Variants in NT5DC1 observed in about 807,000 individuals in gnomAD.
The protein encoded by NT5DC1 is 5'-nucleotidase domain-containing protein 1.
Under a neutral mutation model 59.4 loss-of-function variants are expected in NT5DC1, and 42 were observed. The ratio of observed to expected loss-of-function variants is 0.71; its 90% CI spans 0.55 to 0.92. The LOEUF is 0.92. Among genes scored for constraint, NT5DC1 ranks in the 40% least tolerant of loss-of-function variants. NT5DC1 has a pLI of 0.00. For missense variants in NT5DC1, 501 were observed against 537.1 expected (o/e 0.93, Z 0.66); for synonymous variants, 172 against 188.1 (o/e 0.91, Z 0.70).
intron 1 of NT5DC1, among the ~76,000 whole-genome samples, chr6:116,101,339 CAG>C (rs1411029349): frequency 5.9e-5 from 9 of 152,132 alleles, no homozygotes; most frequent in African/African-American, 2.2e-4. Flanking sequence ...GGGGCGGGGT[CAG>C]GGGGACTAGG....
chr6:116,114,837 C>A (rs1778936276), intron 4 of NT5DC1, among the ~76,000 whole-genome samples: 1 of 152,178 alleles, frequency 6.6e-6, no homozygotes, highest in African/African-American at 2.4e-5. Context: ...GAACAGGAAG[C>A]AGGGCATTCT....
chr6:116,138,078 A>G (rs1187140591), intron 6 of NT5DC1, among the ~76,000 whole-genome samples: 3 of 152,068 alleles, frequency 2.0e-5, no homozygotes, highest in Non-Finnish European at 4.4e-5. Flanking sequence ...ACTCTGCTCA[A>G]AAAAAAAGAA....
rs189307533 is a variant in NT5DC1, at chr6:116,223,262, T to G, written c.802+131T>G. ...AAGAAAAAAGATAATAAACCTATGT[T>G]TGTATTAAATTTTATGCTACCGCTT... On this transcript the variant is annotated intron_variant, in intron 8 of 11. Transcript: ENST00000319550. The G allele has an allele frequency of 7.5e-6, 4 of 533,484 alleles. No individual in the cohort carries two copies. In the Admixed American group the frequency reaches 1.4e-4, roughly 19 times the overall value. 33.0% of individuals were successfully genotyped at this position (533,484 alleles called of 1,614,324 possible).
Position 116,230,734 on chromosome 6 carries a change from C to T in NT5DC1, c.803-6232C>T, listed in dbSNP as rs187275466. On this transcript the variant is annotated intron_variant, in intron 8 of 11. Transcript: ENST00000319550. ...GATACCTTCCTTCTGCAGCTCCAGTCAGAGCTGTTTCCTTCTCTGTATTGT... is the reference window on the plus strand; with the variant it reads ...GATACCTTCCTTCTGCAGCTCCAGTTAGAGCTGTTTCCTTCTCTGTATTGT... Among the ~76,000 whole-genome samples, 337 of 152,290 alleles carry T rather than the reference C, an allele frequency of 2.2e-3. 1 individual carries two copies. The highest frequency in any genetic ancestry group is 3.7e-3 in the Non-Finnish European group (251 of 68,024).
chr6:116,218,124 CT>C (rs1185337752), intron 6 of NT5DC1, among the ~76,000 whole-genome samples: 2 of 152,046 alleles, frequency 1.3e-5, no homozygotes, highest in Non-Finnish European at 2.9e-5. Context: ...ATAATTTTAT[CT>C]GATTAAATTA....
In NT5DC1 at chr6:116,200,732, T is replaced by C. The variant is rs993073860; in HGVS notation, c.530-20322T>C. On this transcript the variant is annotated intron_variant, in intron 6 of 11. Transcript: ENST00000319550. ...TATTTAATGTCCTTATGGATCGTAC[T>C]TCATCTCTTCTCCCACTAGCTTGGA... Among the ~76,000 whole-genome samples the C allele has an allele frequency of 2.0e-5, 3 of 152,104 alleles. No homozygotes were observed. The East Asian group carries it at 5.8e-4, about 30-fold the overall frequency.
chr6:116,150,290 AATT>A (rs1780007134), intron 6 of NT5DC1, among the ~76,000 whole-genome samples: 1 of 151,600 alleles, frequency 6.6e-6, no homozygotes. Flanking sequence ...TTAACTTTTT[AATT>A]ATTATTTTTT....
rs190625574 is a variant in NT5DC1, at chr6:116,178,897, C to T, written c.530-42157C>T. ...TGCTTTAAGCAAAATTTCTTTTACTCGATATGCATTTCCAGCCCTCTAATT... is the reference window on the plus strand; with the variant it reads ...TGCTTTAAGCAAAATTTCTTTTACTTGATATGCATTTCCAGCCCTCTAATT... On this transcript the variant is annotated intron_variant, in intron 6 of 11. Coordinates refer to ENST00000319550, the MANE Select transcript of NT5DC1 (RefSeq NM_152729.3). 1.2e-4 allele frequency among the ~76,000 whole-genome samples: 18 copies of T among 152,236 alleles called. No homozygotes were observed. The East Asian group carries it at 2.3e-3, about 20-fold the overall frequency.
chr6:116,170,068 T>A (rs1292720812), intron 6 of NT5DC1, among the ~76,000 whole-genome samples: 1 of 152,162 alleles, frequency 6.6e-6, no homozygotes, highest in African/African-American at 2.4e-5. Context: ...ACATTGTCCA[T>A]AGCTAATCCC....
intron 8 of NT5DC1, among the ~76,000 whole-genome samples, chr6:116,225,635 A>G (rs1210954789): frequency 6.6e-6 from 1 of 152,172 alleles, no homozygotes; most frequent in Admixed American, 6.5e-5. Context: ...GTTGCCATAG[A>G]GTGGTGGGAT....
rs1177442075 is a variant in NT5DC1, at chr6:116,142,310, T to G, written c.529+24365T>G. Among the ~76,000 whole-genome samples the G allele has an allele frequency of 1.3e-5, 2 of 152,050 alleles. 1 individual carries two copies. Among genetic ancestry groups the G allele is most frequent in the Admixed American group, 1.3e-4 (2 of 15,270 alleles). On this transcript the variant is annotated intron_variant, in intron 6 of 11. Coordinates refer to ENST00000319550, the MANE Select transcript of NT5DC1 (RefSeq NM_152729.3). Reference sequence around the variant, plus strand: ...TTTTTTTTTCAATTTATTTGGCATATACTTAGGAAAATGTAGTAGAGATTT... The same window carrying G: ...TTTTTTTTTCAATTTATTTGGCATAGACTTAGGAAAATGTAGTAGAGATTT...
chr6:116,136,791 C>CTG (rs1402962729), intron 6 of NT5DC1, among the ~76,000 whole-genome samples: 1 of 152,164 alleles, frequency 6.6e-6, no homozygotes, highest in Admixed American at 6.6e-5. Flanking sequence ...GGTTTGGAAT[C>CTG]TGTTACTCAG....
intron 6 of NT5DC1, among the ~76,000 whole-genome samples, chr6:116,135,383 T>C (rs1779562727): frequency 6.6e-6 from 1 of 152,044 alleles, no homozygotes; most frequent in Non-Finnish European, 1.5e-5. Context: ...AAATGATATT[T>C]CATTTTTTTT....
chr6:116,164,684 C>T (rs1005593637), intron 6 of NT5DC1, among the ~76,000 whole-genome samples: 2 of 152,138 alleles, frequency 1.3e-5, no homozygotes, highest in African/African-American at 4.8e-5. Context: ...TTTGTACTTA[C>T]GTGTGCTTTT....
intron 6 of NT5DC1, among the ~76,000 whole-genome samples, chr6:116,184,134 C>T (rs1780942435): frequency 6.6e-6 from 1 of 151,908 alleles, no homozygotes; most frequent in South Asian, 2.1e-4. Flanking sequence ...TGTCAGCTGC[C>T]TTTTCTGCAT....
intron 6 of NT5DC1, among the ~76,000 whole-genome samples, chr6:116,138,009 C>G (rs1166529364): frequency 6.6e-6 from 1 of 150,838 alleles, no homozygotes; most frequent in African/African-American, 2.5e-5. Context: ...ACTTGGGAGG[C>G]AGAGGTTGCA....
rs965830242 is a variant in NT5DC1 at position 116,247,627 on chromosome 6, A to T, written c.*3603A>T. The T allele has an allele frequency of 2.6e-5, 4 of 152,228 alleles. No homozygotes were observed. Among genetic ancestry groups the T allele is most frequent in the Non-Finnish European group, 4.4e-5 (3 of 68,026 alleles). The allele number at this position is 152,228 out of a possible 1,614,324, so 9.4% of individuals were successfully genotyped here. A position where few individuals can be genotyped will look rare whatever the true frequency, so the allele number is the denominator to read the frequency against. ...TGCTTGCCAATCAGTTTGTTGTACCATGTACCTGTTCACAGACTCTTTTCA... is the reference window on the plus strand; with the variant it reads ...TGCTTGCCAATCAGTTTGTTGTACCTTGTACCTGTTCACAGACTCTTTTCA... On this transcript the variant is annotated 3_prime_UTR_variant, in exon 12 of 12. Coordinates refer to ENST00000319550, the MANE Select transcript of NT5DC1 (RefSeq NM_152729.3).
chr6:116,236,820 A>C (rs1399917679), intron 8 of NT5DC1, 146 bp from the exon 9 acceptor site: 2 of 603,816 alleles, frequency 3.3e-6, no homozygotes, highest in Non-Finnish European at 5.9e-6. Flanking sequence ...AGGGCCTTAT[A>C]ATATGTAGGT....
chr6:116,219,991 T>C (rs992767957), intron 6 of NT5DC1, among the ~76,000 whole-genome samples: 1 of 149,248 alleles, frequency 6.7e-6, no homozygotes, highest in Non-Finnish European at 1.5e-5. Flanking sequence ...AAAACAACTC[T>C]TCTTCCTGAT....
Sources: allele counts gnomAD v4.1 joint callset (sites outside exome capture counted in the v4.1 genomes callset), GRCh38; gene constraint gnomAD v4.1.1; transcripts MANE v1.5; gene names NCBI Gene and HGNC (gene_info 2026-07-23, HGNC 2026-07-21).